The following BCKDHA variants were observed in gnomAD, a reference collection of about 807,000 sequenced individuals.
The protein encoded by BCKDHA is 2-oxoisovalerate dehydrogenase subunit alpha, mitochondrial.
In BCKDHA, 43 loss-of-function variants were observed where a neutral mutation model predicts 52.2. The ratio of observed to expected loss-of-function variants is 0.82; its 90% CI spans 0.64 to 1.06. The LOEUF is 1.06. BCKDHA is among the 50% of genes least tolerant of loss of function. The pLI, the probability that BCKDHA is intolerant of heterozygous loss-of-function variation, is 0.00. For synonymous variants in BCKDHA, 234 were observed against 247.9 expected (o/e 0.94, Z 0.53); for missense variants, 527 against 621.3 (o/e 0.85, Z 1.61).
intron 1 of BCKDHA, among the ~76,000 whole-genome samples, chr19:41,405,565 C>A (rs1056720837): frequency 1.3e-5 from 2 of 152,146 alleles, no homozygotes; most frequent in African/African-American, 4.8e-5. Flanking sequence ...AAGTGTGAAC[C>A]ACCACACCTG....
intron 1 of BCKDHA, among the ~76,000 whole-genome samples, chr19:41,400,819 G>A (rs2039131075): frequency 6.6e-6 from 1 of 151,630 alleles, no homozygotes; most frequent in South Asian, 2.1e-4. Context: ...AGACCAGCCT[G>A]GCCAACATGG....
At chr19:41,421,680 C>T (rs780577456) in intron 5 of BCKDHA, among the ~76,000 whole-genome samples, 8 of 151,980 alleles carry the variant, frequency 5.3e-5, no homozygotes, top group African/African-American at 9.7e-5. Context: ...GCAGGGATGT[C>T]GACTTTTACT....
intron 5 of BCKDHA, 90 bp from the exon 6 acceptor site, chr19:41,422,073 GC>G: frequency 7.6e-7 from 1 of 1,310,410 alleles, no homozygotes. Context: ...GCTGGCCTGA[GC>G]CACGCTTGAG....
chr19:41,402,693 G>C (rs1273126093), intron 1 of BCKDHA, among the ~76,000 whole-genome samples: 1 of 152,172 alleles, frequency 6.6e-6, no homozygotes, highest in Non-Finnish European at 1.5e-5. Context: ...CCAGGCTGGA[G>C]TGCAGTGGCG....
At position 41,421,427 on chromosome 19, in the gene BCKDHA, G is replaced by T. The variant is rs376513110; in HGVS notation, c.647-737G>T. ...GGGGTGGCTGGGGTCCGTCACTGGA[G>T]TGACACTGAAGTATGGACCAGAGGA... On this transcript the variant is annotated intron_variant, in intron 5 of 8. Coordinates refer to ENST00000269980, the MANE Select transcript of BCKDHA (RefSeq NM_000709.4). Among the ~76,000 whole-genome samples the T allele has an allele frequency of 3.4e-5, 5 of 148,918 alleles. No homozygotes were observed. In the East Asian group the frequency reaches 7.8e-4, roughly 23 times the overall value.
intron 3 of BCKDHA, among the ~76,000 whole-genome samples, chr19:41,411,864 T>C (rs2123256124): frequency 6.6e-6 from 1 of 152,276 alleles, no homozygotes; most frequent in East Asian, 1.9e-4. Flanking sequence ...CCCTCAGTAC[T>C]CAGCACCGCC....
intron 4 of BCKDHA, among the ~76,000 whole-genome samples, chr19:41,416,691 G>A (rs144639686): frequency 2.6e-5 from 4 of 152,198 alleles, no homozygotes; most frequent in Non-Finnish European, 5.9e-5. Flanking sequence ...AGGCTGAGGC[G>A]GGAGGATTGC....
At position 41,409,930 on chromosome 19, in the gene BCKDHA, A is replaced by T. The variant is rs2039233620; in HGVS notation, c.109-707A>T. On this transcript the variant is annotated intron_variant, in intron 1 of 8. Transcript: ENST00000269980. Reference sequence around the variant, plus strand: ...ATTCTCTTGCCTCAGCCTCCTGAGTAGCTGGGACTACAGGCATGTGCCACC... The same window carrying T: ...ATTCTCTTGCCTCAGCCTCCTGAGTTGCTGGGACTACAGGCATGTGCCACC... Among the ~76,000 whole-genome samples the T allele has an allele frequency of 2.0e-5, 3 of 151,162 alleles. No individual in the cohort carries two copies. In the South Asian group the frequency reaches 6.3e-4, roughly 31 times the overall value.
At position 41,424,736 on chromosome 19, in the gene BCKDHA, C is replaced by T; in HGVS notation, c.*128C>T. The stretch of plus-strand genomic sequence containing the variant: ...CAGCTCCCTCTAAAATACTCAGCGG[C>T]CAGGGCGGCTGCCACTCTTCACCCC... On this transcript the variant is annotated 3_prime_UTR_variant, in exon 9 of 9. Transcript: ENST00000269980. 1 of 1,102,072 alleles carries T rather than the reference C, an allele frequency of 9.1e-7. No individual in the cohort carries two copies. The highest frequency in any genetic ancestry group is 1.7e-5 in the South Asian group (1 of 60,594). 68.3% of individuals were successfully genotyped at this position (1,102,072 alleles called of 1,614,324 possible).
intron 5 of BCKDHA, among the ~76,000 whole-genome samples, chr19:41,420,217 A>G (rs957510763): frequency 2.0e-5 from 3 of 152,206 alleles, no homozygotes; most frequent in African/African-American, 7.2e-5. Flanking sequence ...GCTCACAAAC[A>G]TAGCCAACGT....
intron 1 of BCKDHA, among the ~76,000 whole-genome samples, chr19:41,405,554 C>T (rs557555426): frequency 1.2e-4 from 19 of 152,266 alleles, no homozygotes; most frequent in African/African-American, 4.6e-4. Context: ...GCTGGTATTA[C>T]AAGTGTGAAC....
At chr19:41,417,598 A>G (rs764871675) in intron 4 of BCKDHA, among the ~76,000 whole-genome samples, 1 of 152,216 alleles carries the variant, frequency 6.6e-6, no homozygotes, top group Non-Finnish European at 1.5e-5. Context: ...TGGATGTTGA[A>G]GTAGTGCTAA....
intron 1 of BCKDHA, among the ~76,000 whole-genome samples, chr19:41,402,732 C>T (rs1372275885): frequency 6.6e-6 from 1 of 152,192 alleles, no homozygotes; most frequent in Non-Finnish European, 1.5e-5. Context: ...ACCTCTGCCT[C>T]CTGGGTTAAG....
In BCKDHA at chr19:41,410,730, A is replaced by G. The variant is rs777414203; in HGVS notation, c.202A>G (p.Ile68Val). 4.3e-6 allele frequency: 7 copies of G among 1,614,024 alleles called. No individual in the cohort carries two copies. The Admixed American group carries it at 8.3e-5, about 19-fold the overall frequency. Residue 68 changes from isoleucine to valine, a missense_variant, in exon 2 of 9, where the codon ATC (isoleucine) becomes GTC (valine). Ile to Val is a conservative substitution (Grantham distance 29, BLOSUM62 3). Transcript: ENST00000269980. ...GGAGTTTATAGATAAGTTGGAATTC[A>G]TCCAGCCCAACGTCATCTCTGGAAT... is the stretch of plus-strand genomic sequence containing the variant. The part of the protein sequence containing the change: ...SAEFIDKLEF[I>V]QPNVISGIPI...
rs556084008 is a variant in BCKDHA at position 41,398,709 on chromosome 19, A to G, written c.108+774A>G. 3.5e-4 allele frequency among the ~76,000 whole-genome samples: 54 copies of G among 152,302 alleles called. No homozygotes were observed. The South Asian group carries it at 8.5e-3, about 24-fold the overall frequency. On this transcript the variant is annotated intron_variant, in intron 1 of 8. Transcript: ENST00000269980. The stretch of plus-strand genomic sequence containing the variant: ...CTGCAAAAAACCTAGGTGGAAGCCT[A>G]TCTTTAGACGGGGAGAGGCAATGGG...
Position 41,422,278 on chromosome 19 carries a change from C to G in BCKDHA, c.761C>G (p.Ala254Gly), listed in dbSNP as rs373713279. The change falls in exon 6 of 9, where the codon GCC becomes GGC. Residue 254 changes from alanine (A) to glycine (G), a missense_variant. Physicochemically the swap from Ala to Gly is moderately conservative, Grantham distance 60. Transcript: ENST00000269980. ...GDAHAGFNFA[A>G]TLECPIIFFC... ...GCCCATGCCGGCTTCAACTTCGCTG[C>G]CACACTTGAGTGCCCCATCATCTTC... 1 of 1,614,108 alleles carries G rather than the reference C, an allele frequency of 6.2e-7. No individual in the cohort carries two copies. The highest frequency in any genetic ancestry group is 1.1e-5 in the South Asian group (1 of 91,094).
At chr19:41,411,847 T>C (rs1476617497) in intron 3 of BCKDHA, among the ~76,000 whole-genome samples, 2 of 152,164 alleles carry the variant, frequency 1.3e-5, no homozygotes, top group Non-Finnish European at 2.9e-5. Context: ...TGGACAGTCC[T>C]GCCAGGCCCT....
intron 1 of BCKDHA, among the ~76,000 whole-genome samples, chr19:41,399,185 CG>C (rs1445326167): frequency 6.6e-6 from 1 of 151,862 alleles, no homozygotes; most frequent in Non-Finnish European, 1.5e-5. Flanking sequence ...GGGGAACAAA[CG>C]GGAGGAGGGT....
rs143167070 is a variant in BCKDHA at position 41,410,768 on chromosome 19, C to T, written c.240C>T (p.Arg80=). The T allele has an allele frequency of 8.7e-6, 14 of 1,614,040 alleles. No homozygotes were observed. The highest frequency in any genetic ancestry group is 5.3e-5 in the African/African-American group (4 of 74,910). Residue 80 remains arginine, a synonymous_variant, in exon 2 of 9, where the codon CGC becomes CGT. Coordinates refer to ENST00000269980, the MANE Select transcript of BCKDHA (RefSeq NM_000709.4). ...TCATCTCTGGAATCCCCATCTACCG[C>T]GTCATGGACCGGCAAGGCCAGATCA... ...PNVISGIPIY[R]VMDRQGQIIN...
Sources: allele counts gnomAD v4.1 joint callset (sites outside exome capture counted in the v4.1 genomes callset), GRCh38; gene constraint gnomAD v4.1.1; transcripts MANE v1.5; gene names NCBI Gene and HGNC (gene_info 2026-07-23, HGNC 2026-07-21).